TTLL5: variants seen among roughly 807,000 people sequenced by gnomAD.
The protein encoded by TTLL5 is tubulin tyrosine ligase like 5, also known as tubulin polyglutamylase TTLL5.
In TTLL5, 132 loss-of-function variants were observed where a neutral mutation model predicts 168.4. The ratio of observed to expected loss-of-function variants is 0.78; its 90% confidence interval spans 0.68 to 0.91. The LOEUF (loss-of-function observed/expected upper bound fraction) is 0.91. Among genes scored for constraint, TTLL5 ranks in the 40% least tolerant of loss-of-function variants. TTLL5 has a pLI of 0.00. For synonymous variants in TTLL5, 546 were observed against 558.6 expected, an observed-to-expected ratio of 0.98 and a Z score of 0.32; for missense variants, 1,545 against 1,581.5, an observed-to-expected ratio of 0.98 and a Z score of 0.39.
At chr14:75,749,710 A>G (rs1299136866) in intron 17 of TTLL5, among the ~76,000 whole-genome samples, 3 of 152,204 alleles carry the variant, frequency 2.0e-5, no homozygotes, top group African/African-American at 7.2e-5. Flanking sequence ...GCGTTCTGAG[A>G]AAAGAGGCTC....
chr14:75,681,316 A>G lies in TTLL5; in HGVS notation c.182-229A>G, dbSNP rs150388624. On this transcript the variant is annotated intron_variant, in intron 3 of 31. Coordinates refer to ENST00000298832, the MANE Select transcript of TTLL5 (RefSeq NM_015072.5). ...TAATTGAAGCCATTGTTAAATTTCA[A>G]CTAGAAACTAGTGAAAACCAAGGTG... is the stretch of plus-strand genomic sequence containing the variant. Among the ~76,000 whole-genome samples the G allele has an allele frequency of 7.2e-5, 11 of 152,332 alleles. No homozygotes were observed. The East Asian group carries it at 1.7e-3, about 24-fold the overall frequency.
At chr14:75,945,180 C>T (rs1009487228) in intron 31 of TTLL5, among the ~76,000 whole-genome samples, 3 of 149,708 alleles carry the variant, frequency 2.0e-5, no homozygotes, top group African/African-American at 7.3e-5. Flanking sequence ...TGTTCCTGCT[C>T]TAAAGCTTTT....
At chr14:75,761,818 CTGTA>C (rs1056300325) in intron 18 of TTLL5, among the ~76,000 whole-genome samples, 1 of 152,122 alleles carries the variant, frequency 6.6e-6, no homozygotes, top group Non-Finnish European at 1.5e-5. Context: ...GGATATGTCA[CTGTA>C]TGTAACTTTT....
At chr14:75,831,172 AT>A (rs975013326) in intron 28 of TTLL5, among the ~76,000 whole-genome samples, 1 of 152,238 alleles carries the variant, frequency 6.6e-6, no homozygotes, top group African/African-American at 2.4e-5. Flanking sequence ...GGTTAGTGAA[AT>A]AAAAAGTAAA....
chr14:75,680,772 G>A (rs995045403), intron 3 of TTLL5, among the ~76,000 whole-genome samples: 2 of 151,796 alleles, frequency 1.3e-5, no homozygotes, highest in African/African-American at 4.8e-5. Flanking sequence ...TTACAGGTGC[G>A]TACCACCACA....
At chr14:75,738,769 C>A (rs905488137) in intron 15 of TTLL5, among the ~76,000 whole-genome samples, 5 of 152,106 alleles carry the variant, frequency 3.3e-5, no homozygotes, top group Non-Finnish European at 5.9e-5. Context: ...TGGCATTTGA[C>A]TGTAAAGAAG....
intron 31 of TTLL5, among the ~76,000 whole-genome samples, chr14:75,938,196 A>G (rs1566669051): frequency 6.6e-6 from 1 of 152,262 alleles, no homozygotes; most frequent in African/African-American, 2.4e-5. Flanking sequence ...AGTTTCGATG[A>G]TGACTGAATG....
At chr14:75,910,090 G>T (rs562035505) in intron 31 of TTLL5, among the ~76,000 whole-genome samples, 1 of 152,322 alleles carries the variant, frequency 6.6e-6, no homozygotes, top group South Asian at 2.1e-4. Flanking sequence ...TTCTAAAATG[G>T]ATTAAGAGAT....
At chr14:75,886,699 G>C (rs760280140) in intron 30 of TTLL5, 3 of 1,597,644 alleles carry the variant, frequency 1.9e-6, no homozygotes, top group Non-Finnish European at 2.5e-6. Flanking sequence ...TCATAATTTA[G>C]TACCCGCTTC....
intron 28 of TTLL5, among the ~76,000 whole-genome samples, chr14:75,857,581 CT>C (rs553222794): frequency 6.8e-6 from 1 of 147,500 alleles, no homozygotes; most frequent in Non-Finnish European, 1.5e-5. Context: ...TTTTTTTTCT[CT>C]GCTCTTTTTT....
At position 75,683,555 on chromosome 14, in the gene TTLL5, C is replaced by T. The variant is rs372817858; in HGVS notation, c.270C>T (p.His90=). ...GTCTTTCTGTCTGCCCTCAGGTTCACCCAAGCAGCACTGACTATAACCTAA... is the reference window on the plus strand; with the variant it reads ...GTCTTTCTGTCTGCCCTCAGGTTCATCCAAGCAGCACTGACTATAACCTAA... The part of the protein sequence containing the change: ...ILTAHGFHEV[H]PSSTDYNLMW... Residue 90 remains histidine, a synonymous_variant, in exon 5 of 32, where the codon CAC becomes CAT. Coordinates refer to ENST00000298832, the MANE Select transcript of TTLL5 (RefSeq NM_015072.5). 1 of 1,613,634 alleles carries T rather than the reference C, an allele frequency of 6.2e-7. No individual in the cohort carries two copies. The highest frequency in any genetic ancestry group is 8.5e-7 in the Non-Finnish European group (1 of 1,179,640).
At chr14:75,682,238 G>C (rs990532637) in intron 4 of TTLL5, among the ~76,000 whole-genome samples, 1 of 151,700 alleles carries the variant, frequency 6.6e-6, no homozygotes, top group African/African-American at 2.4e-5. Context: ...AGAATGATGT[G>C]CAGAGGGGAC....
At chr14:75,745,406 G>T (rs1889542208) in intron 16 of TTLL5, 84 bp from the exon 17 acceptor site, 1 of 1,397,572 alleles carries the variant, frequency 7.2e-7, no homozygotes, top group African/African-American at 1.4e-5. Flanking sequence ...ATATTCTTGG[G>T]TCATAACTAT....
In TTLL5 at chr14:75,830,040, T is replaced by C. The variant is rs574007683; in HGVS notation, c.3326+9879T>C. 5.1e-4 allele frequency among the ~76,000 whole-genome samples: 77 copies of C among 152,336 alleles called. 1 individual carries two copies. In the South Asian group the frequency reaches 0.015, roughly 30 times the overall value. ...GAAAAGTTAGAGAAATAGTGAGATA[T>C]TGGCTGTATTGCTAAGGATAAATTG... On this transcript the variant is annotated intron_variant, in intron 28 of 31. Transcript: ENST00000298832.
At chr14:75,707,790 T>C in intron 9 of TTLL5, 83 bp downstream of exon 9, 1 of 1,143,038 alleles carries the variant, frequency 8.7e-7, no homozygotes, top group Non-Finnish European at 1.3e-6. Context: ...AACAAGTTTA[T>C]TAAATCAGAT....
chr14:75,841,407 G>A (rs1896235704), intron 28 of TTLL5, among the ~76,000 whole-genome samples: 1 of 152,164 alleles, frequency 6.6e-6, no homozygotes, highest in African/African-American at 2.4e-5. Context: ...TTAGAATACA[G>A]TTTTTGGTTA....
chr14:75,789,245 A>G (rs1313136555), intron 26 of TTLL5, among the ~76,000 whole-genome samples: 1 of 152,186 alleles, frequency 6.6e-6, no homozygotes, highest in African/African-American at 2.4e-5. Context: ...GAACCAACAT[A>G]GTAAGATAAG....
At chr14:75,943,001 A>G (rs2034659187) in intron 31 of TTLL5, among the ~76,000 whole-genome samples, 1 of 152,186 alleles carries the variant, frequency 6.6e-6, no homozygotes, top group Non-Finnish European at 1.5e-5. Flanking sequence ...CATTTGGCCA[A>G]AAAAAGACAG....
chr14:75,903,900 T>TA (rs778868581), intron 31 of TTLL5, among the ~76,000 whole-genome samples: 134 of 130,814 alleles, frequency 1.0e-3, no homozygotes, highest in East Asian at 0.01. Context: ...ACCTCTAATT[T>TA]AAAAAAAAAA....
Sources: allele counts gnomAD v4.1 joint callset (sites outside exome capture counted in the v4.1 genomes callset), GRCh38; gene constraint gnomAD v4.1.1; transcripts MANE v1.5; gene names NCBI Gene and HGNC (gene_info 2026-07-23, HGNC 2026-07-21).